The following ATP5MC2 variants were observed in gnomAD, a reference collection of about 807,000 sequenced individuals.
The protein encoded by ATP5MC2 is ATP synthase membrane subunit c locus 2.
ATP5MC2 carries 11 observed loss-of-function variants against 13.5 expected under a neutral mutation model. That is an observed-to-expected ratio of 0.81 (90% CI 0.51 to 1.35). ATP5MC2 has a LOEUF of 1.35. ATP5MC2 is among the 40% of genes most tolerant of loss of function. The pLI is 0.00. For synonymous variants in ATP5MC2, 64 were observed against 69.7 expected (o/e 0.92, Z 0.41); for missense variants, 132 against 175.0 (o/e 0.75, Z 1.39).
intron 4 of ATP5MC2, among the ~76,000 whole-genome samples, chr12:53,666,515 T>G (rs904377709): frequency 6.6e-6 from 1 of 150,732 alleles, no homozygotes; most frequent in African/African-American, 2.4e-5. Context: ...AGGCAGAGGA[T>G]GCAGTGATCC....
chr12:53,670,802 T>C (rs376427226), intron 2 of ATP5MC2, among the ~76,000 whole-genome samples: 24 of 152,108 alleles, frequency 1.6e-4, no homozygotes, highest in East Asian at 5.8e-4. Context: ...TTTGTATTTT[T>C]AGTAGAGACA....
intron 2 of ATP5MC2, among the ~76,000 whole-genome samples, chr12:53,671,278 T>G (rs1945087954): frequency 6.6e-6 from 1 of 152,260 alleles, no homozygotes; most frequent in African/African-American, 2.4e-5. Context: ...TAAGCCTGTA[T>G]TCTCATTTAT....
rs1429010717 is a variant in ATP5MC2 at position 53,676,047 on chromosome 12, C to A, written c.-32+6G>T. The A allele has an allele frequency of 6.2e-7, 1 of 1,613,378 alleles. No homozygotes were observed. The highest frequency in any genetic ancestry group is 1.7e-5 in the Admixed American group (1 of 59,994). ...GCACAGAGGGCTCTAGGTCCCAAGGCCTTACCTGCTCCCACTGCAGAGAAG... is the reference window on the plus strand; with the variant it reads ...GCACAGAGGGCTCTAGGTCCCAAGGACTTACCTGCTCCCACTGCAGAGAAG... On this transcript the variant is annotated splice_donor_region_variant and intron_variant, in intron 1 of 4. Transcript: ENST00000394349.
chr12:53,673,409 G>A (rs1333951665), intron 1 of ATP5MC2: 4 of 152,422 alleles, frequency 2.6e-5, no homozygotes, highest in Admixed American at 2.6e-4. Flanking sequence ...CCAAGACACT[G>A]GAAGGTCTCC....
In ATP5MC2 at chr12:53,669,271, G is replaced by GCGCT; in HGVS notation, c.184_187dup (p.Ala63GlufsTer?). The GCGCT allele has an allele frequency of 6.2e-7, 1 of 1,614,126 alleles. No individual in the cohort carries two copies. The highest frequency in any genetic ancestry group is 1.7e-5 in the Admixed American group (1 of 60,012). On this transcript the variant is annotated frameshift_variant, in exon 4 of 5. Coordinates refer to ENST00000394349, the MANE Select transcript of ATP5MC2 (RefSeq NM_005176.7). LOFTEE classifies it high-confidence loss of function. ...TGCTGTGTCGATGTCCCTTGAAATG[G>GCGCT]CGCTGGTTTGGAAGCTGCGGCTAGA...
upstream of ATP5MC2, among the ~76,000 whole-genome samples, chr12:53,681,227 GA>G (rs1945338090): frequency 6.7e-6 from 1 of 150,042 alleles, no homozygotes; most frequent in Non-Finnish European, 1.5e-5. Context: ...TTTAAGAAAA[GA>G]AAAAGAAAAA....
intron 1 of ATP5MC2, 29 bp from the exon 2 acceptor site, chr12:53,672,674 G>T: frequency 6.4e-7 from 1 of 1,551,448 alleles, no homozygotes; most frequent in South Asian, 1.2e-5. Flanking sequence ...TATTGTAAAC[G>T]CTCCTTATTC....
At chr12:53,669,804 G>C in intron 3 of ATP5MC2, 67 bp downstream of exon 3, 6 of 1,522,782 alleles carry the variant, frequency 3.9e-6, no homozygotes, top group Non-Finnish European at 5.5e-6. Flanking sequence ...CTACCTCCTG[G>C]TTCTGGCAGG....
At chr12:53,677,619 C>T (rs1335172871), upstream of ATP5MC2, among the ~76,000 whole-genome samples, 5 of 152,200 alleles carry the variant, frequency 3.3e-5, no homozygotes, top group Admixed American at 6.5e-5. Flanking sequence ...GGTAGACTGC[C>T]TGTCTTTCCT....
intron 4 of ATP5MC2, among the ~76,000 whole-genome samples, chr12:53,667,375 GTC>G (rs1565624828): frequency 1.3e-5 from 2 of 152,186 alleles, no homozygotes; most frequent in African/African-American, 4.8e-5. Context: ...TGTTCACTGA[GTC>G]TCTAGAACAG....
chr12:53,672,703 T>A, intron 1 of ATP5MC2, 58 bp from the exon 2 acceptor site: 1 of 1,499,150 alleles, frequency 6.7e-7, no homozygotes, highest in South Asian at 1.2e-5. Flanking sequence ...ATATCCTTAT[T>A]AGCAGAAAAG....
intron 2 of ATP5MC2, among the ~76,000 whole-genome samples, chr12:53,670,543 C>T (rs1411601228): frequency 6.6e-6 from 1 of 152,070 alleles, no homozygotes; most frequent in Admixed American, 6.5e-5. Context: ...CTGAGTATTG[C>T]AACAGAGTAT....
chr12:53,675,064 C>T (rs1302338147), intron 1 of ATP5MC2, among the ~76,000 whole-genome samples: 1 of 152,124 alleles, frequency 6.6e-6, no homozygotes, highest in African/African-American at 2.4e-5. Context: ...ATTAAGTGAT[C>T]CCACCATTGG....
upstream of ATP5MC2, chr12:53,676,241 C>G (rs1945271383): frequency 1.9e-6 from 3 of 1,592,846 alleles, no homozygotes; most frequent in Non-Finnish European, 2.6e-6. Flanking sequence ...GGTTGCTCCA[C>G]CTGGCGTTCG....
chr12:53,666,733 C>T (rs1003400899), intron 4 of ATP5MC2, among the ~76,000 whole-genome samples: 1 of 151,176 alleles, frequency 6.6e-6, no homozygotes, highest in African/African-American at 2.4e-5. Flanking sequence ...GCACTCCAGC[C>T]TGGGTGACAG....
chr12:53,665,269 G>T lies in ATP5MC2; in HGVS notation c.*45C>A. 6.5e-7 allele frequency: 1 copy of T among 1,529,916 alleles called. No individual in the cohort carries two copies. The highest frequency in any genetic ancestry group is 8.9e-7 in the Non-Finnish European group (1 of 1,117,976). 94.8% of individuals were successfully genotyped at this position (1,529,916 alleles called of 1,614,324 possible). On this transcript the variant is annotated 3_prime_UTR_variant, in exon 5 of 5. Coordinates refer to ENST00000394349, the MANE Select transcript of ATP5MC2 (RefSeq NM_005176.7). Reference sequence around the variant, plus strand: ...GAGGTATAGGAAAAGGAACACACGGGGCCAACCAGACGCGGGAGAACTATG... The same window carrying T: ...GAGGTATAGGAAAAGGAACACACGGTGCCAACCAGACGCGGGAGAACTATG...
At chr12:53,672,510 G>A in intron 2 of ATP5MC2, 66 bp downstream of exon 2, 1 of 1,472,970 alleles carries the variant, frequency 6.8e-7, no homozygotes, top group Non-Finnish European at 9.3e-7. Flanking sequence ...GAAGAACAAG[G>A]TCTGATGGAA....
At chr12:53,670,990 A>AAATCAAATC (rs11282989) in intron 2 of ATP5MC2, among the ~76,000 whole-genome samples, 8 of 151,386 alleles carry the variant, frequency 5.3e-5, no homozygotes, top group Non-Finnish European at 1.0e-4. Context: ...AAAAAATCTT[A>AAATCAAATC]ATCTAAAGTT....
chr12:53,667,464 C>T (rs1944947647), intron 4 of ATP5MC2, among the ~76,000 whole-genome samples: 2 of 151,966 alleles, frequency 1.3e-5, no homozygotes, highest in South Asian at 4.1e-4. Flanking sequence ...GTCTCTTTTG[C>T]TTTAAAACAA....
Sources: gnomAD v4.1 joint callset for allele counts (sites outside exome capture counted in the v4.1 genomes callset) on GRCh38, gnomAD v4.1.1 for gene constraint, MANE v1.5 for transcripts, NCBI Gene and HGNC (gene_info 2026-07-23, HGNC 2026-07-21) for gene names.